Variants in TBC1D5 observed in about 807,000 individuals in gnomAD.
The protein encoded by TBC1D5 is TBC1 domain family member 5, also known as TBC1 domain family, member 5.
A neutral mutation model predicts 100.3 loss-of-function variants in TBC1D5; 75 were observed. The observed-to-expected ratio is 0.75, with a 90% CI of 0.62 to 0.91. The LOEUF is 0.91. Ranked by LOEUF, TBC1D5 falls within the 40% of genes least tolerant of loss-of-function variation. The pLI is 0.00. For synonymous variants in TBC1D5, 323 were observed against 325.6 expected, an observed-to-expected ratio of 0.99 and a Z score of 0.09; for missense variants, 910 against 942.4, an observed-to-expected ratio of 0.97 and a Z score of 0.45.
At chr3:17,718,127 A>G (rs576427565) in intron 1 of TBC1D5, among the ~76,000 whole-genome samples, 5 of 152,318 alleles carry the variant, frequency 3.3e-5, no homozygotes, top group African/African-American at 1.2e-4. Context: ...TCCCCTGGCC[A>G]CTAGCTTAGC....
chr3:17,227,368 T>C (rs956038735), intron 17 of TBC1D5, among the ~76,000 whole-genome samples: 2 of 152,094 alleles, frequency 1.3e-5, no homozygotes, highest in African/African-American at 4.8e-5. Flanking sequence ...GAAAATGATA[T>C]CAATATCAAA....
At chr3:17,198,981 C>T (rs1234235540) in intron 18 of TBC1D5, among the ~76,000 whole-genome samples, 2 of 152,212 alleles carry the variant, frequency 1.3e-5, no homozygotes, top group Non-Finnish European at 2.9e-5. Context: ...TTACCGGAAT[C>T]AGTGTGAATT....
chr3:17,366,100 G>C (rs947411631), intron 13 of TBC1D5, among the ~76,000 whole-genome samples: 2 of 152,108 alleles, frequency 1.3e-5, no homozygotes, highest in African/African-American at 2.4e-5. Flanking sequence ...GATCAACCTG[G>C]GCAACATAGT....
intron 1 of TBC1D5, among the ~76,000 whole-genome samples, chr3:17,643,302 T>A (rs527790139): frequency 3.9e-5 from 6 of 152,280 alleles, no homozygotes; most frequent in African/African-American, 1.4e-4. Context: ...TCGTATTATA[T>A]CAGATGTTAA....
chr3:17,722,253 C>A (rs1034929406), intron 1 of TBC1D5, among the ~76,000 whole-genome samples: 8 of 152,162 alleles, frequency 5.3e-5, no homozygotes, highest in Non-Finnish European at 1.2e-4. Context: ...TTACTCAGCA[C>A]AAGTATCCCT....
chr3:17,690,987 G>C (rs1192026049), intron 1 of TBC1D5, among the ~76,000 whole-genome samples: 1 of 152,162 alleles, frequency 6.6e-6, no homozygotes, highest in African/African-American at 2.4e-5. Context: ...TAGTTAGCAA[G>C]AAAGTACAGT....
At chr3:17,694,276 G>A (rs1431516551) in intron 1 of TBC1D5, among the ~76,000 whole-genome samples, 1 of 152,154 alleles carries the variant, frequency 6.6e-6, no homozygotes, top group Admixed American at 6.5e-5. Flanking sequence ...GGCTTCAGAA[G>A]GTCAGTAATA....
chr3:17,438,744 T>C (rs983062819), intron 3 of TBC1D5, among the ~76,000 whole-genome samples: 1 of 152,184 alleles, frequency 6.6e-6, no homozygotes, highest in African/African-American at 2.4e-5. Context: ...CTTAACAAAA[T>C]ACAGATAACA....
At chr3:17,725,194 A>G (rs1441225531) in intron 1 of TBC1D5, among the ~76,000 whole-genome samples, 2 of 152,112 alleles carry the variant, frequency 1.3e-5, no homozygotes, top group Non-Finnish European at 2.9e-5. Flanking sequence ...TCTATGGAAA[A>G]TTATTTGTGA....
intron 1 of TBC1D5, among the ~76,000 whole-genome samples, chr3:17,625,764 A>G (rs2062998530): frequency 6.6e-6 from 1 of 152,088 alleles, no homozygotes; most frequent in African/African-American, 2.4e-5. Context: ...ACTAGATAAA[A>G]ACACCTGAAG....
chr3:17,377,193 C>T (rs866824495), intron 9 of TBC1D5, among the ~76,000 whole-genome samples: 15 of 151,932 alleles, frequency 9.9e-5, no homozygotes, highest in Admixed American at 7.2e-4. Flanking sequence ...AGAAAACTAC[C>T]GTAATTTTTT....
At chr3:17,481,038 G>A (rs2095495941) in intron 3 of TBC1D5, among the ~76,000 whole-genome samples, 1 of 152,156 alleles carries the variant, frequency 6.6e-6, no homozygotes, top group African/African-American at 2.4e-5. Flanking sequence ...CTAGAGTCAG[G>A]GGCTCCCTGA....
chr3:17,709,731 A>G (rs188621126), intron 1 of TBC1D5, among the ~76,000 whole-genome samples: 1 of 152,224 alleles, frequency 6.6e-6, no homozygotes, highest in Non-Finnish European at 1.5e-5. Flanking sequence ...CTTAAAAAAA[A>G]TTTTTTTTAA....
chr3:17,315,856 G>A lies in TBC1D5; in HGVS notation c.996-7722C>T, dbSNP rs569847633. Among the ~76,000 whole-genome samples the A allele has an allele frequency of 9.2e-5, 14 of 152,288 alleles. No homozygotes were observed. The East Asian group carries it at 1.7e-3, about 19-fold the overall frequency. On this transcript the variant is annotated intron_variant, in intron 13 of 21. Transcript: ENST00000253692. ...AAGCTTTACGGTGTGGGGGACGGGCGGGGGGAGGCTTCAGGTATGCCCCAC... is the reference window on the plus strand; with the variant it reads ...AAGCTTTACGGTGTGGGGGACGGGCAGGGGGAGGCTTCAGGTATGCCCCAC...
intron 19 of TBC1D5, among the ~76,000 whole-genome samples, chr3:17,179,660 A>G (rs2068219573): frequency 6.6e-6 from 1 of 152,306 alleles, no homozygotes; most frequent in South Asian, 2.1e-4. Flanking sequence ...GCAAATAAAG[A>G]ACAGCTAGGT....
chr3:17,608,277 G>GT (rs2061462516), intron 2 of TBC1D5, among the ~76,000 whole-genome samples: 1 of 151,936 alleles, frequency 6.6e-6, no homozygotes, highest in African/African-American at 2.4e-5. Context: ...ACAAAAAAGA[G>GT]TAAGACACAG....
chr3:17,385,447 C>G (rs991055580), intron 8 of TBC1D5, among the ~76,000 whole-genome samples: 5 of 152,076 alleles, frequency 3.3e-5, no homozygotes, highest in African/African-American at 1.2e-4. Flanking sequence ...TAATGGTTTA[C>G]TGCCTCCCAT....
chr3:17,268,506 G>A (rs2079055490), intron 15 of TBC1D5, among the ~76,000 whole-genome samples: 1 of 152,004 alleles, frequency 6.6e-6, no homozygotes, highest in African/African-American at 2.4e-5. Context: ...ATACTCACAT[G>A]TGCTTTTATA....
At chr3:17,361,761 T>G (rs536089176) in intron 13 of TBC1D5, among the ~76,000 whole-genome samples, 2 of 152,120 alleles carry the variant, frequency 1.3e-5, no homozygotes, top group African/African-American at 2.4e-5. Flanking sequence ...AAGTAACTTA[T>G]AGCAATAAAA....
Sources: allele counts gnomAD v4.1 joint callset (sites outside exome capture counted in the v4.1 genomes callset), GRCh38; gene constraint gnomAD v4.1.1; transcripts MANE v1.5; gene names NCBI Gene and HGNC (gene_info 2026-07-23, HGNC 2026-07-21).